The following SUGCT variants were observed in gnomAD, a reference collection of about 807,000 sequenced individuals.
The protein encoded by SUGCT is succinyl-CoA:glutarate-CoA transferase, also known as succinyl-CoA:glutarate CoA-transferase.
SUGCT carries 41 observed loss-of-function variants against 55.0 expected under a neutral mutation model. That is an observed-to-expected ratio of 0.74 (90% CI 0.58 to 0.97). SUGCT has a LOEUF of 0.97. SUGCT is among the 50% of genes least tolerant of loss of function. The pLI is 0.00. For missense variants in SUGCT, 568 were observed against 547.8 expected (o/e 1.04, Z -0.37); for synonymous variants, 187 against 200.4 (o/e 0.93, Z 0.56).
Position 40,139,148 on chromosome 7 carries a change from A to AATC in SUGCT, c.100+4029_100+4030insTCA, listed in dbSNP as rs1562788560. ...CTCAAAAATAAATAAATAAATAAAT[A>AATC]AATAAATAAATAAATAAATAAATAA... On this transcript the variant is annotated intron_variant, in intron 1 of 13. Coordinates refer to ENST00000335693, the MANE Select transcript of SUGCT (RefSeq NM_001193313.2). Among the ~76,000 whole-genome samples the AATC allele has an allele frequency of 1.7e-3, 250 of 148,404 alleles. 2 individuals are homozygous for AATC. The highest frequency in any genetic ancestry group is 6.2e-3 in the African/African-American group (240 of 38,916).
At chr7:40,488,272 T>C (rs1369513365) in intron 11 of SUGCT, among the ~76,000 whole-genome samples, 3 of 152,160 alleles carry the variant, frequency 2.0e-5, no homozygotes, top group African/African-American at 7.2e-5. Flanking sequence ...ATGATTTTTG[T>C]AATAGTTATA....
intron 6 of SUGCT, among the ~76,000 whole-genome samples, chr7:40,205,304 T>C (rs1289151905): frequency 1.3e-5 from 2 of 150,538 alleles, no homozygotes; most frequent in East Asian, 4.0e-4. Flanking sequence ...AAGGAAAATG[T>C]ATTGGATTGG....
chr7:40,157,724 C>T (rs1783966073), intron 1 of SUGCT, among the ~76,000 whole-genome samples: 1 of 152,094 alleles, frequency 6.6e-6, no homozygotes, highest in African/African-American at 2.4e-5. Context: ...ATGTTAAAGG[C>T]TACTAATAGT....
At chr7:40,415,060 AAATCTATC>A (rs1786901400) in intron 9 of SUGCT, among the ~76,000 whole-genome samples, 1 of 83,084 alleles carries the variant, frequency 1.2e-5, no homozygotes, top group African/African-American at 4.2e-5. Context: ...AAAAAAAAAA[AAATCTATC>A]TATCTATCTA....
At chr7:40,898,740 A>T in the SUGCT span, among the ~76,000 whole-genome samples, 1 of 152,024 alleles carries the variant, frequency 6.6e-6, no homozygotes, top group African/African-American at 2.4e-5. Flanking sequence ...ACGCGGCTTC[A>T]TTCTGGAAGT....
rs921873672 is a variant in SUGCT at position 40,459,105 on chromosome 7, T to C, written c.893T>C (p.Leu298Ser). ...NQQFATVCKI[L>S]DLPELIDNSK... Reference sequence around the variant, plus strand: ...AAAATTATTTTTTTCTTTTAGATCTTGGATTTGCCTGAGTTGATTGATAAT... The same window carrying C: ...AAAATTATTTTTTTCTTTTAGATCTCGGATTTGCCTGAGTTGATTGATAAT... Residue 298 changes from leucine to serine, a missense_variant, in exon 11 of 14, where the codon TTG becomes TCG. By Grantham distance (145) the Leu-to-Ser change is moderately radical. Transcript: ENST00000335693. 1 of 1,607,398 alleles carries C rather than the reference T, an allele frequency of 6.2e-7. No individual in the cohort carries two copies. Among genetic ancestry groups the C allele is most frequent in the African/African-American group, 1.3e-5 (1 of 74,942 alleles).
chr7:40,354,586 G>A (rs550604904), intron 9 of SUGCT, among the ~76,000 whole-genome samples: 1 of 152,266 alleles, frequency 6.6e-6, no homozygotes, highest in African/African-American at 2.4e-5. Context: ...CAGTTTGTGC[G>A]GTCACTGTCA....
chr7:40,918,058 G>T, the SUGCT span, among the ~76,000 whole-genome samples: 2 of 152,162 alleles, frequency 1.3e-5, no homozygotes, highest in African/African-American at 2.4e-5. Context: ...TCACTACATG[G>T]AGAGGTGGGA....
intron 9 of SUGCT, among the ~76,000 whole-genome samples, chr7:40,357,502 G>T (rs1284738074): frequency 6.6e-6 from 1 of 152,116 alleles, no homozygotes; most frequent in Non-Finnish European, 1.5e-5. Flanking sequence ...GTGATTTGTG[G>T]TGCATCAAAA....
intron 7 of SUGCT, among the ~76,000 whole-genome samples, chr7:40,272,641 GTAT>G (rs1023951710): frequency 4.8e-4 from 69 of 143,956 alleles, no homozygotes; most frequent in Middle Eastern, 3.6e-3. Context: ...GGATCATATG[GTAT>G]TATTATTATT....
the SUGCT span, among the ~76,000 whole-genome samples, chr7:40,916,550 C>T: frequency 1.3e-5 from 2 of 152,184 alleles, no homozygotes; most frequent in African/African-American, 4.8e-5. Context: ...ATCCTGATAA[C>T]ATCATGTGGG....
At chr7:40,230,349 G>A (rs1030552560) in intron 6 of SUGCT, among the ~76,000 whole-genome samples, 4 of 152,154 alleles carry the variant, frequency 2.6e-5, no homozygotes, top group Non-Finnish European at 5.9e-5. Flanking sequence ...GGTAGTGAGT[G>A]GGGGCTAGGT....
At chr7:40,871,920 A>G in the SUGCT span, among the ~76,000 whole-genome samples, 1 of 152,184 alleles carries the variant, frequency 6.6e-6, no homozygotes, top group East Asian at 1.9e-4. Context: ...CACGTTCTAG[A>G]CCAGTGGTTC....
At position 40,198,920 on chromosome 7, in the gene SUGCT, G is replaced by A. The variant is rs556657226; in HGVS notation, c.484+3860G>A. Among the ~76,000 whole-genome samples, 91 of 152,068 alleles carry A rather than the reference G, an allele frequency of 6.0e-4. 2 individuals carry two copies. In the South Asian group the frequency reaches 0.017, roughly 29 times the overall value. On this transcript the variant is annotated intron_variant, in intron 6 of 13. Transcript: ENST00000335693. ...GAGGCAGGAGAATTGCATGAACCTG[G>A]AGGCAGAGGTTGCAGTGAGCCGAAA...
At chr7:40,670,018 A>T (rs186930066) in intron 12 of SUGCT, among the ~76,000 whole-genome samples, 1 of 151,818 alleles carries the variant, frequency 6.6e-6, no homozygotes. Flanking sequence ...AAAACTAAAG[A>T]CACAGAAAAA....
intron 12 of SUGCT, among the ~76,000 whole-genome samples, chr7:40,540,263 A>G (rs1296111945): frequency 6.6e-6 from 1 of 152,242 alleles, no homozygotes; most frequent in Non-Finnish European, 1.5e-5. Flanking sequence ...TAAAATAACT[A>G]TCATTTACCA....
chr7:40,989,686 G>T, the SUGCT span, among the ~76,000 whole-genome samples: 1 of 151,964 alleles, frequency 6.6e-6, no homozygotes, highest in South Asian at 2.1e-4. Flanking sequence ...CAGAAGAATC[G>T]CTGGAACCTG....
chr7:40,940,063 G>T, the SUGCT span, among the ~76,000 whole-genome samples: 1 of 152,106 alleles, frequency 6.6e-6, no homozygotes, highest in East Asian at 1.9e-4. Context: ...TGTGGTGAGA[G>T]ATAGGGATCC....
At chr7:40,269,017 A>G (rs1468264802) in intron 7 of SUGCT, among the ~76,000 whole-genome samples, 3 of 152,204 alleles carry the variant, frequency 2.0e-5, no homozygotes, top group Admixed American at 2.0e-4. Context: ...CTTTTTGAGG[A>G]ACTGCCAGAC....
Sources: gnomAD v4.1 joint callset for allele counts (sites outside exome capture counted in the v4.1 genomes callset) on GRCh38, gnomAD v4.1.1 for gene constraint, MANE v1.5 for transcripts, NCBI Gene and HGNC (gene_info 2026-07-23, HGNC 2026-07-21) for gene names.